GRID1: variants seen among roughly 807,000 people sequenced by gnomAD.
The protein encoded by GRID1 is glutamate ionotropic receptor delta type subunit 1, also known as glutamate receptor ionotropic, delta-1.
GRID1 carries 28 observed loss-of-function variants against 98.0 expected under a neutral mutation model. The observed-to-expected ratio is 0.29, with a 90% CI of 0.21 to 0.39. GRID1 has a LOEUF of 0.39. Among genes scored for constraint, GRID1 ranks in the 10% least tolerant of loss-of-function variants. The pLI, the probability that GRID1 is intolerant of heterozygous loss-of-function variation, is 1.00. For synonymous variants in GRID1, 553 were observed against 538.5 expected (o/e 1.03, Z -0.37); for missense variants, 1,111 against 1,340.5 (o/e 0.83, Z 2.67).
chr10:86,007,769 C>A (rs1197723268), intron 4 of GRID1, among the ~76,000 whole-genome samples: 3 of 152,050 alleles, frequency 2.0e-5, no homozygotes, highest in East Asian at 3.8e-4. Flanking sequence ...ATAAGCAGGA[C>A]CCCAGTTTCT....
intron 8 of GRID1, among the ~76,000 whole-genome samples, chr10:85,765,245 G>A (rs1842186471): frequency 6.6e-6 from 1 of 152,196 alleles, no homozygotes; most frequent in Admixed American, 6.5e-5. Flanking sequence ...CCATGTGTAA[G>A]TGATCATGAT....
intron 5 of GRID1, among the ~76,000 whole-genome samples, chr10:85,893,859 G>T (rs577680512): frequency 6.6e-6 from 1 of 152,178 alleles, no homozygotes; most frequent in Non-Finnish European, 1.5e-5. Context: ...TCTAAAATGC[G>T]TATGGAAATG....
At chr10:86,273,663 G>A (rs796120390) in intron 2 of GRID1, among the ~76,000 whole-genome samples, 11 of 152,128 alleles carry the variant, frequency 7.2e-5, no homozygotes, top group Admixed American at 6.5e-4. Flanking sequence ...CTGATGGCCA[G>A]TGATGGTGAG....
chr10:85,986,378 G>A (rs1390898567), intron 4 of GRID1, among the ~76,000 whole-genome samples: 1 of 152,252 alleles, frequency 6.6e-6, no homozygotes, highest in Non-Finnish European at 1.5e-5. Flanking sequence ...GTCAGTCCAA[G>A]AGGAAGAAAA....
rs536692931 is a variant in GRID1 at position 86,219,594 on chromosome 10, G to A, written c.236-12946C>T. Among the ~76,000 whole-genome samples the A allele has an allele frequency of 2.9e-3, 447 of 152,282 alleles. 3 individuals carry two copies. Among genetic ancestry groups the A allele is most frequent in the Middle Eastern group, 6.8e-3 (2 of 294 alleles). ...ACTACTCCCCTACAGCCCTGGTCAC[G>A]TGTGGCCCCCCGTCCCAGAGTGAGG... On this transcript the variant is annotated intron_variant, in intron 2 of 15. Coordinates refer to ENST00000327946, the MANE Select transcript of GRID1 (RefSeq NM_017551.3).
chr10:85,882,478 T>C (rs1342035466), intron 5 of GRID1, among the ~76,000 whole-genome samples: 1 of 152,162 alleles, frequency 6.6e-6, no homozygotes, highest in Non-Finnish European at 1.5e-5. Context: ...TGTAGGGACA[T>C]GGATGAAACT....
intron 2 of GRID1, among the ~76,000 whole-genome samples, chr10:86,216,765 T>C (rs947525044): frequency 1.3e-5 from 2 of 152,122 alleles, no homozygotes; most frequent in African/African-American, 4.8e-5. Flanking sequence ...CCCAAGACTA[T>C]GAAGCACAGC....
At chr10:86,323,333 T>C (rs1327343406) in intron 2 of GRID1, among the ~76,000 whole-genome samples, 1 of 152,230 alleles carries the variant, frequency 6.6e-6, no homozygotes, top group African/African-American at 2.4e-5. Flanking sequence ...CAGAATTAAA[T>C]GACTTACTAT....
At chr10:85,870,585 G>A (rs568746357) in intron 5 of GRID1, among the ~76,000 whole-genome samples, 1 of 152,330 alleles carries the variant, frequency 6.6e-6, no homozygotes, top group African/African-American at 2.4e-5. Context: ...AAACTTGCTA[G>A]CCAAAGTGCC....
At chr10:85,858,631 G>GT (rs1243369562) in intron 6 of GRID1, among the ~76,000 whole-genome samples, 3 of 152,136 alleles carry the variant, frequency 2.0e-5, no homozygotes, top group Non-Finnish European at 2.9e-5. Flanking sequence ...TTGGTTTGTT[G>GT]TTTTTTTCTT....
intron 6 of GRID1, among the ~76,000 whole-genome samples, chr10:85,859,186 G>A (rs1843141077): frequency 1.3e-5 from 2 of 152,202 alleles, no homozygotes; most frequent in East Asian, 1.9e-4. Context: ...AGCTCTTTAA[G>A]TACTATCTCT....
chr10:85,707,972 G>T (rs1841539377), intron 12 of GRID1, among the ~76,000 whole-genome samples: 1 of 152,040 alleles, frequency 6.6e-6, no homozygotes, highest in South Asian at 2.1e-4. Flanking sequence ...GTGGGGTCGG[G>T]GGTGTGGGGA....
At chr10:85,708,307 G>A (rs1478166883) in intron 12 of GRID1, among the ~76,000 whole-genome samples, 1 of 151,968 alleles carries the variant, frequency 6.6e-6, no homozygotes, top group Admixed American at 6.5e-5. Context: ...GGGAGGCTGA[G>A]GCAGGAGAAT....
intron 5 of GRID1, among the ~76,000 whole-genome samples, chr10:85,879,185 C>T (rs1389938694): frequency 4.6e-5 from 7 of 152,080 alleles, no homozygotes; most frequent in African/African-American, 1.4e-4. Flanking sequence ...GACTTTAACA[C>T]CCCACTGTCA....
At chr10:86,302,837 T>C (rs1847709307) in intron 2 of GRID1, among the ~76,000 whole-genome samples, 1 of 152,236 alleles carries the variant, frequency 6.6e-6, no homozygotes, top group Non-Finnish European at 1.5e-5. Context: ...GCAGCGCCAA[T>C]TGAGAGCTTG....
chr10:85,618,837 C>G (rs972870480), intron 14 of GRID1, among the ~76,000 whole-genome samples: 1 of 152,342 alleles, frequency 6.6e-6, no homozygotes, highest in South Asian at 2.1e-4. Flanking sequence ...GCTCTGCCAG[C>G]AGCTGGCTCA....
intron 8 of GRID1, among the ~76,000 whole-genome samples, chr10:85,807,747 G>A (rs973952738): frequency 6.6e-6 from 1 of 151,474 alleles, no homozygotes; most frequent in Non-Finnish European, 1.5e-5. Context: ...AGAAGATGAG[G>A]ATCAGTGGAA....
intron 4 of GRID1, among the ~76,000 whole-genome samples, chr10:86,083,941 C>T (rs1844013272): frequency 6.6e-6 from 1 of 152,200 alleles, no homozygotes; most frequent in Admixed American, 6.5e-5. Context: ...AAAAGCTTTC[C>T]AGGTGTCCCA....
intron 2 of GRID1, among the ~76,000 whole-genome samples, chr10:86,336,552 C>T (rs1848223907): frequency 6.6e-6 from 1 of 152,188 alleles, no homozygotes; most frequent in African/African-American, 2.4e-5. Flanking sequence ...TGTTTCCCAC[C>T]ATCACCCGGT....
Sources: allele counts gnomAD v4.1 joint callset (sites outside exome capture counted in the v4.1 genomes callset), GRCh38; gene constraint gnomAD v4.1.1; transcripts MANE v1.5; gene names NCBI Gene and HGNC (gene_info 2026-07-23, HGNC 2026-07-21).